The following ARRDC3 variants were observed in gnomAD, a reference collection of about 807,000 sequenced individuals.
The protein encoded by ARRDC3 is arrestin domain-containing protein 3.
A neutral mutation model predicts 47.2 loss-of-function variants in ARRDC3; 10 were observed. The ratio of observed to expected loss-of-function variants is 0.21; its 90% CI spans 0.13 to 0.36. ARRDC3 has a LOEUF of 0.36. ARRDC3 is among the 10% of genes least tolerant of loss of function. The probability of loss-of-function intolerance (pLI) is 1.00; values close to 1 mark genes in which losing one functional copy is unlikely to be tolerated. For missense variants in ARRDC3, 381 were observed against 503.6 expected (o/e 0.76, Z 2.33); for synonymous variants, 156 against 178.3 (o/e 0.87, Z 1.00).
chr5:91,376,450 T>C (rs1302259750), intron 3 of ARRDC3, 171 bp downstream of exon 3: 1 of 610,896 alleles, frequency 1.6e-6, no homozygotes, highest in Non-Finnish European at 2.7e-6. Context: ...TATGAGCATA[T>C]TTTTCATTAA....
chr5:91,368,931 C>T lies in ARRDC3; in HGVS notation c.*2469G>A, dbSNP rs931324746. 1 of 152,496 alleles carries T rather than the reference C, an allele frequency of 6.6e-6. No homozygotes were observed. The highest frequency in any genetic ancestry group is 1.5e-5 in the Non-Finnish European group (1 of 68,010). The allele number at this position is 152,496 out of a possible 1,614,324, so 9.4% of individuals were successfully genotyped here. A position where few individuals can be genotyped will look rare whatever the true frequency, so the allele number is the denominator to read the frequency against. On this transcript the variant is annotated 3_prime_UTR_variant, in exon 8 of 8. Coordinates refer to ENST00000265138, the MANE Select transcript of ARRDC3 (RefSeq NM_020801.4). ...ACATTTAATATTGCACTTTGTTTTG[C>T]TAACATTTTGGATTTTACTTTTCCT...
chr5:91,383,288 C>G lies in ARRDC3; in HGVS notation c.-196G>C, dbSNP rs746064793. ...AGCAGAGGCTGCTGCTCCGCGCTCC[C>G]GCTCGTCTCAGTGGTCTCCTTACAA... On this transcript the variant is annotated 5_prime_UTR_variant, in exon 1 of 8. Coordinates refer to ENST00000265138, the MANE Select transcript of ARRDC3 (RefSeq NM_020801.4). The G allele has an allele frequency of 1.4e-4, 78 of 552,890 alleles. No homozygotes were observed. Among genetic ancestry groups the G allele is most frequent in the Non-Finnish European group, 2.1e-4 (67 of 323,096 alleles). 34.2% of individuals were successfully genotyped at this position (552,890 alleles called of 1,614,324 possible).
rs751148885 is a variant in ARRDC3 at position 91,376,764 on chromosome 5, G to C, written c.367C>G (p.Leu123Val). 1.2e-6 allele frequency: 2 copies of C among 1,613,502 alleles called. No individual in the cohort carries two copies. The highest frequency in any genetic ancestry group is 1.7e-6 in the Non-Finnish European group (2 of 1,179,760). ...TGTCGGCCTTCGAATGAGGTAGCGA[G>C]TGGTCTGTGCAGAATATAAAGGTCA... ...AFSFELPQTPLATSFEGRHGS... is the reference protein window; with the variant it reads ...AFSFELPQTPVATSFEGRHGS... Residue 123 changes from leucine to valine, a missense_variant, in exon 3 of 8, where the codon CTC (leucine) becomes GTC (valine). Leu to Val is a conservative substitution (Grantham distance 32, BLOSUM62 1). Coordinates refer to ENST00000265138, the MANE Select transcript of ARRDC3 (RefSeq NM_020801.4).
chr5:91,380,919 A>C lies in ARRDC3; in HGVS notation c.280+1894T>G, dbSNP rs555287268. On this transcript the variant is annotated intron_variant, in intron 1 of 7. Transcript: ENST00000265138. Reference sequence around the variant, plus strand: ...GCTGGGCGCCCCCAGAAGCCCGGGAACAAACGTGAGTACGGGCTGGGTGGG... The same window carrying C: ...GCTGGGCGCCCCCAGAAGCCCGGGACCAAACGTGAGTACGGGCTGGGTGGG... The C allele has an allele frequency of 2.0e-5, 3 of 152,344 alleles. No individual in the cohort carries two copies. In the East Asian group the frequency reaches 5.8e-4, roughly 29 times the overall value. 9.4% of individuals were successfully genotyped at this position (152,344 alleles called of 1,614,324 possible).
chr5:91,373,612 G>GAAA, intron 7 of ARRDC3, 72 bp downstream of exon 7: 1 of 1,349,498 alleles, frequency 7.4e-7, no homozygotes. Flanking sequence ...ATAACATTAA[G>GAAA]AAAAAAAAAT....
Position 91,375,622 on chromosome 5 carries a change from A to C in ARRDC3, c.511-9T>G. The C allele has an allele frequency of 6.3e-7, 1 of 1,598,448 alleles. No homozygotes were observed. The highest frequency in any genetic ancestry group is 8.6e-7 in the Non-Finnish European group (1 of 1,169,488). On this transcript the variant is annotated splice_polypyrimidine_tract_variant and intron_variant, in intron 3 of 7. Transcript: ENST00000265138. ...GTGCCTGCTTGGGGTGACTGTAAGA[A>C]AAAAATTAAGAGAAAAAGGTCAGTG...
At chr5:91,373,607 A>G in intron 7 of ARRDC3, 77 bp downstream of exon 7, 1 of 1,399,730 alleles carries the variant, frequency 7.1e-7, no homozygotes, top group Non-Finnish European at 9.8e-7. Flanking sequence ...ATCTAATAAC[A>G]TTAAGAAAAA....
At chr5:91,371,629 G>C (rs1330676649) in intron 7 of ARRDC3, among the ~76,000 whole-genome samples, 173 bp from the exon 8 acceptor site, 1 of 152,038 alleles carries the variant, frequency 6.6e-6, no homozygotes, top group Admixed American at 6.6e-5. Context: ...TGCTATGTGG[G>C]GAGGAAAGGG....
intron 1 of ARRDC3, chr5:91,380,979 G>C (rs996622135): frequency 6.6e-6 from 1 of 152,242 alleles, no homozygotes; most frequent in African/African-American, 2.4e-5. Context: ...GGCGCACGCC[G>C]GTTTCCTAGC....
At position 91,375,564 on chromosome 5, in the gene ARRDC3, G is replaced by A; in HGVS notation, c.560C>T (p.Thr187Ile). The A allele has an allele frequency of 1.2e-6, 2 of 1,611,770 alleles. No individual in the cohort carries two copies. The highest frequency in any genetic ancestry group is 2.2e-5 in the East Asian group (1 of 44,726). Residue 187 changes from threonine (T) to isoleucine (I), a missense_variant, in exon 4 of 8, where the codon ACC becomes ATC. Coordinates refer to ENST00000265138, the MANE Select transcript of ARRDC3 (RefSeq NM_020801.4). ...KEKTLCCWFC[T>I]SGPISLSAKI... Reference sequence around the variant, plus strand: ...GGCACTTAAGGATATTGGGCCTGAGGTACAGAACCAGCAACAGAGTGTCTT... The same window carrying A: ...GGCACTTAAGGATATTGGGCCTGAGATACAGAACCAGCAACAGAGTGTCTT...
chr5:91,375,279 G>A (rs969741406), intron 4 of ARRDC3, 101 bp from the exon 5 acceptor site: 5 of 1,287,080 alleles, frequency 3.9e-6, no homozygotes, highest in Non-Finnish European at 4.2e-6. Flanking sequence ...TAACATACAT[G>A]AAAAGATGTC....
At chr5:91,380,856 G>T (rs1206247958) in intron 1 of ARRDC3, 1 of 152,302 alleles carries the variant, frequency 6.6e-6, no homozygotes, top group African/African-American at 2.4e-5. Flanking sequence ...CCCTTAGGAG[G>T]CCCAAAAGAG....
chr5:91,374,529 G>C (rs1401599514), intron 5 of ARRDC3, among the ~76,000 whole-genome samples: 1 of 151,988 alleles, frequency 6.6e-6, no homozygotes, highest in Non-Finnish European at 1.5e-5. Context: ...ATCAAATCCT[G>C]GATGTAAGAC....
chr5:91,381,400 A>G (rs1157918346), intron 1 of ARRDC3, among the ~76,000 whole-genome samples: 3 of 152,220 alleles, frequency 2.0e-5, no homozygotes, highest in African/African-American at 7.2e-5. Flanking sequence ...GTACAAACAC[A>G]AAGTCATCTA....
At position 91,382,946 on chromosome 5, in the gene ARRDC3, A is replaced by C; in HGVS notation, c.147T>G (p.Ile49Met). 1.9e-6 allele frequency: 3 copies of C among 1,614,120 alleles called. No individual in the cohort carries two copies. In the African/African-American group the frequency reaches 4.0e-5, roughly 22 times the overall value. Residue 49 changes from isoleucine (I) to methionine (M), a missense_variant, in exon 1 of 8, where the codon ATT becomes ATG. Ile to Met is a conservative substitution (Grantham distance 10). Transcript: ENST00000265138. ...TGEIRVKSLK[I>M]HARGHAKVRW... ...GTACTTTCGCATGTCCTCTTGCATG[A>C]ATTTTAAGAGATTTTACTCTGATTT... is the stretch of plus-strand genomic sequence containing the variant.
chr5:91,376,877 G>A (rs897270381), intron 2 of ARRDC3, 109 bp from the exon 3 acceptor site: 1 of 1,058,050 alleles, frequency 9.5e-7, no homozygotes, highest in Non-Finnish European at 1.2e-6. Context: ...GTTCCAATGA[G>A]GTATCAAACA....
chr5:91,374,895 G>GA lies in ARRDC3; in HGVS notation c.870+26dup, dbSNP rs768827493. On this transcript the variant is annotated intron_variant, in intron 5 of 7. Coordinates refer to ENST00000265138, the MANE Select transcript of ARRDC3 (RefSeq NM_020801.4). ...GTGTTTCAAAAAAGAAAAAAGAAAG[G>GA]AAAAAACCTCTTAAATGTGTACATA... 1.3e-5 allele frequency: 21 copies of GA among 1,603,296 alleles called. No individual in the cohort carries two copies. In the South Asian group the frequency reaches 1.8e-4, roughly 14 times the overall value.
rs770008818 is a variant in ARRDC3 at position 91,373,676 on chromosome 5, G to C, written c.1188+8C>G. 1 of 1,612,262 alleles carries C rather than the reference G, an allele frequency of 6.2e-7. No homozygotes were observed. Among genetic ancestry groups the C allele is most frequent in the South Asian group, 1.1e-5 (1 of 90,910 alleles). On this transcript the variant is annotated splice_region_variant and intron_variant, in intron 7 of 7. Coordinates refer to ENST00000265138, the MANE Select transcript of ARRDC3 (RefSeq NM_020801.4). Reference sequence around the variant, plus strand: ...AGTTCATTTCATACTTAAGGAGTAGGTACTTACCTCTGAATAAAGAGGTGG... The same window carrying C: ...AGTTCATTTCATACTTAAGGAGTAGCTACTTACCTCTGAATAAAGAGGTGG...
In ARRDC3 at chr5:91,369,931, T is replaced by C. The variant is rs868395080; in HGVS notation, c.*1469A>G. On this transcript the variant is annotated 3_prime_UTR_variant, in exon 8 of 8. Transcript: ENST00000265138. ...GTAATCTATACATAATCAAAGTGAGTGATTTCTCATGTTTAGCAAATTGTT... is the reference window on the plus strand; with the variant it reads ...GTAATCTATACATAATCAAAGTGAGCGATTTCTCATGTTTAGCAAATTGTT... 1 of 152,330 alleles carries C rather than the reference T, an allele frequency of 6.6e-6. No homozygotes were observed. Among genetic ancestry groups the C allele is most frequent in the South Asian group, 2.1e-4 (1 of 4,832 alleles). The allele number at this position is 152,330 out of a possible 1,614,324, so 9.4% of individuals were successfully genotyped here. A position where few individuals can be genotyped will look rare whatever the true frequency, so the allele number is the denominator to read the frequency against.
Sources: allele counts gnomAD v4.1 joint callset (sites outside exome capture counted in the v4.1 genomes callset), GRCh38; gene constraint gnomAD v4.1.1; transcripts MANE v1.5; gene names NCBI Gene and HGNC (gene_info 2026-07-23, HGNC 2026-07-21).